Variants in CD200R1L observed in about 807,000 individuals in gnomAD.
CD200R1L encodes cell surface glycoprotein CD200 receptor 2.
A neutral mutation model predicts 24.8 loss-of-function variants in CD200R1L; 14 were observed. The ratio of observed to expected loss-of-function variants is 0.56; its 90% confidence interval spans 0.37 to 0.88. The LOEUF (loss-of-function observed/expected upper bound fraction) is 0.88. CD200R1L is among the 40% of genes least tolerant of loss of function. The pLI, the probability that CD200R1L is intolerant of heterozygous loss-of-function variation, is 0.00. For synonymous variants in CD200R1L, 111 were observed against 109.2 expected (o/e 1.02, Z -0.11); for missense variants, 299 against 297.8 (o/e 1.00, Z -0.03).
chr3:112,843,504 A>C (rs1939127156), intron 2 of CD200R1L, among the ~76,000 whole-genome samples: 1 of 152,260 alleles, frequency 6.6e-6, no homozygotes, highest in Non-Finnish European at 1.5e-5. Flanking sequence ...TTCCTAAGCA[A>C]GCAAACACTA....
Position 112,845,932 on chromosome 3 carries a change from G to C in CD200R1L, c.-340C>G. ...TTTTTGACTGATTAACCACTGATGG[G>C]AAATGTCAGTGAGTTTTGCTGTGTA... On this transcript the variant is annotated 5_prime_UTR_variant, in exon 2 of 8. Coordinates refer to ENST00000488794, the MANE Select transcript of CD200R1L (RefSeq NM_001199215.3). 1 of 519,302 alleles carries C rather than the reference G, an allele frequency of 1.9e-6. No individual in the cohort carries two copies. The highest frequency in any genetic ancestry group is 2.7e-5 in the South Asian group (1 of 36,424). The allele number at this position is 519,302 out of a possible 1,614,324, so 32.2% of individuals were successfully genotyped here.
intron 3 of CD200R1L, among the ~76,000 whole-genome samples, chr3:112,835,949 C>T (rs1329263344): frequency 1.3e-5 from 2 of 152,210 alleles, no homozygotes; most frequent in African/African-American, 4.8e-5. Context: ...TGGCTGCACC[C>T]CCTCTCTGTG....
At chr3:112,844,435 T>C (rs1939153847) in intron 2 of CD200R1L, among the ~76,000 whole-genome samples, 3 of 152,178 alleles carry the variant, frequency 2.0e-5, no homozygotes, top group Admixed American at 1.3e-4. Context: ...AACAACTTGA[T>C]CCTCAATAAG....
At position 112,831,893 on chromosome 3, in the gene CD200R1L, CTTCA is replaced by C. The variant is rs372947002; in HGVS notation, c.-17-2513_-17-2510del. Among the ~76,000 whole-genome samples, 353 of 152,320 alleles carry C rather than the reference CTTCA, an allele frequency of 2.3e-3. 2 individuals are homozygous for C. The highest frequency in any genetic ancestry group is 8.1e-3 in the African/African-American group (335 of 41,568). On this transcript the variant is annotated intron_variant, in intron 3 of 7. Coordinates refer to ENST00000488794, the MANE Select transcript of CD200R1L (RefSeq NM_001199215.3). ...TAGCAAACTAATACAGTGCTCTGCA[CTTCA>C]TTCATGCTAAGGCACCAGTAATTTT...
intron 6 of CD200R1L, among the ~76,000 whole-genome samples, chr3:112,821,241 A>G: frequency 6.6e-6 from 1 of 152,164 alleles, no homozygotes; most frequent in East Asian, 1.9e-4. Flanking sequence ...AAATAAGAAA[A>G]TGATATGGTT....
At chr3:112,840,790 A>G (rs1193154448) in intron 2 of CD200R1L, among the ~76,000 whole-genome samples, 1 of 152,186 alleles carries the variant, frequency 6.6e-6, no homozygotes, top group Non-Finnish European at 1.5e-5. Context: ...AAAAACTGAA[A>G]TTGTTTGCTG....
At chr3:112,829,897 A>T (rs1005657853) in intron 3 of CD200R1L, among the ~76,000 whole-genome samples, 1 of 152,180 alleles carries the variant, frequency 6.6e-6, no homozygotes, top group Non-Finnish European at 1.5e-5. Context: ...TTGCTACTCA[A>T]ATGTGCCTAT....
chr3:112,842,835 G>A (rs971227800), intron 2 of CD200R1L, among the ~76,000 whole-genome samples: 5 of 152,164 alleles, frequency 3.3e-5, no homozygotes, highest in Admixed American at 1.3e-4. Context: ...GGTCAGACCG[G>A]TTCTCTGCTC....
chr3:112,830,895 G>A (rs1938781713), intron 3 of CD200R1L, among the ~76,000 whole-genome samples: 1 of 151,480 alleles, frequency 6.6e-6, no homozygotes, highest in South Asian at 2.1e-4. Flanking sequence ...AAAAAAAAGT[G>A]CAGAGAAATT....
intron 6 of CD200R1L, among the ~76,000 whole-genome samples, chr3:112,822,108 A>C (rs903085665): frequency 1.3e-5 from 2 of 152,154 alleles, no homozygotes; most frequent in African/African-American, 4.8e-5. Context: ...AGTGGTTCCA[A>C]CTCTCAAGGA....
chr3:112,826,745 T>C (rs1164788942), intron 6 of CD200R1L, among the ~76,000 whole-genome samples: 1 of 152,182 alleles, frequency 6.6e-6, no homozygotes, highest in African/African-American at 2.4e-5. Flanking sequence ...TACATAAAAC[T>C]CTTGATATTT....
At position 112,825,854 on chromosome 3, in the gene CD200R1L, G is replaced by T. The variant is rs75319189; in HGVS notation, c.616+1139C>A. 0.014 allele frequency among the ~76,000 whole-genome samples: 2,181 copies of T among 152,284 alleles called. 118 individuals are homozygous for T. In the East Asian group the frequency reaches 0.2, roughly 14 times the overall value. On this transcript the variant is annotated intron_variant, in intron 6 of 7. Transcript: ENST00000488794. The stretch of plus-strand genomic sequence containing the variant: ...TGGGTTGAATGTTGGTACTACAGAA[G>T]GGAAGATCAGGTAATACTGAAGATA...
At position 112,815,729 on chromosome 3, in the gene CD200R1L, A is replaced by G. The variant is rs555028935; in HGVS notation, c.*234T>C. ...ATAACACTGGCATGAACAAAATTTT[A>G]TTCACTCTAACACAAAAGAAGTCAA... On this transcript the variant is annotated 3_prime_UTR_variant, in exon 8 of 8. Transcript: ENST00000488794. 30 of 478,984 alleles carry G rather than the reference A, an allele frequency of 6.3e-5. No individual in the cohort carries two copies. Among genetic ancestry groups the G allele is most frequent in the Admixed American group, 1.1e-4 (3 of 26,224 alleles). The allele number at this position is 478,984 out of a possible 1,614,324, so 29.7% of individuals were successfully genotyped here.
At chr3:112,840,172 G>A (rs777388734) in intron 2 of CD200R1L, among the ~76,000 whole-genome samples, 1 of 152,180 alleles carries the variant, frequency 6.6e-6, no homozygotes, top group Non-Finnish European at 1.5e-5. Context: ...GTAGCTCCAG[G>A]CATTAGAAAG....
intron 6 of CD200R1L, among the ~76,000 whole-genome samples, chr3:112,820,138 C>T (rs1285278605): frequency 6.6e-6 from 1 of 152,150 alleles, no homozygotes; most frequent in Non-Finnish European, 1.5e-5. Flanking sequence ...CAAATAAATG[C>T]ACACTACGCA....
At chr3:112,826,635 T>C (rs954479044) in intron 6 of CD200R1L, among the ~76,000 whole-genome samples, 1 of 152,216 alleles carries the variant, frequency 6.6e-6, no homozygotes, top group Non-Finnish European at 1.5e-5. Context: ...ATTACTTGTC[T>C]CTTACTCAAG....
intron 3 of CD200R1L, among the ~76,000 whole-genome samples, chr3:112,830,362 A>G (rs1385497582): frequency 6.6e-6 from 1 of 152,110 alleles, no homozygotes; most frequent in Non-Finnish European, 1.5e-5. Flanking sequence ...CATGGGTGAT[A>G]TCCATGATGG....
At chr3:112,834,088 T>A (rs896264540) in intron 3 of CD200R1L, among the ~76,000 whole-genome samples, 9 of 152,018 alleles carry the variant, frequency 5.9e-5, no homozygotes, top group Admixed American at 2.6e-4. Flanking sequence ...CCTCTGGAAG[T>A]CACAACTAAC....
intron 3 of CD200R1L, among the ~76,000 whole-genome samples, chr3:112,832,133 T>G (rs12631959): frequency 6.6e-6 from 1 of 152,212 alleles, no homozygotes; most frequent in African/African-American, 2.4e-5. Flanking sequence ...TATGACCATG[T>G]GTTTAGGTAA....
Sources: allele counts gnomAD v4.1 joint callset (sites outside exome capture counted in the v4.1 genomes callset), GRCh38; gene constraint gnomAD v4.1.1; transcripts MANE v1.5; gene names NCBI Gene and HGNC (gene_info 2026-07-23, HGNC 2026-07-21).